The following CPE variants were observed in gnomAD, a reference collection of about 807,000 sequenced individuals.
CPE encodes the protein carbocypeptidase E.
CPE carries 17 observed loss-of-function variants against 53.5 expected under a neutral mutation model. The ratio of observed to expected loss-of-function variants is 0.32; its 90% CI spans 0.22 to 0.48. CPE has a LOEUF of 0.48. Among genes scored for constraint, CPE ranks in the 20% least tolerant of loss-of-function variants. CPE has a pLI of 0.99. For missense variants in CPE, 524 were observed against 614.7 expected (o/e 0.85, Z 1.56); for synonymous variants, 226 against 228.8 (o/e 0.99, Z 0.11).
chr4:165,379,396 C>A lies in CPE; in HGVS notation c.175C>A (p.Leu59Met). The A allele has an allele frequency of 6.2e-7, 1 of 1,609,856 alleles. No individual in the cohort carries two copies. Residue 59 changes from leucine (L) to methionine (M), a missense_variant, in exon 1 of 9, where the codon CTG (leucine) becomes ATG (methionine). Physicochemically the swap from Leu to Met is conservative, Grantham distance 15. Coordinates refer to ENST00000402744, the MANE Select transcript of CPE (RefSeq NM_001873.4). This position sits in a 1 kb window ranked among gnomAD's most constrained non-coding sequence, Gnocchi z 6.0. ...CTTCGAGTACCACCGCTACCCCGAG[C>A]TGCGCGAGGCGCTCGTGTCCGTGTG... The part of the protein sequence containing the change: ...ISFEYHRYPE[L>M]REALVSVWLQ...
chr4:165,379,435 G>T lies in CPE; in HGVS notation c.214G>T (p.Ala72Ser). The change falls in exon 1 of 9, where the codon GCC (alanine) becomes TCC (serine). Residue 72 changes from alanine to serine, a missense_variant. Transcript: ENST00000402744. This position sits in a 1 kb window ranked among gnomAD's most constrained non-coding sequence, Gnocchi z 6.0. The part of the protein sequence containing the change: ...ALVSVWLQCT[A>S]ISRIYTVGRS... ...CGTGTCCGTGTGGCTGCAGTGCACC[G>T]CCATCAGCAGGATTTACACGGTGGG... is the stretch of plus-strand genomic sequence containing the variant. The T allele has an allele frequency of 6.2e-7, 1 of 1,609,974 alleles. No individual in the cohort carries two copies. The highest frequency in any genetic ancestry group is 8.5e-7 in the Non-Finnish European group (1 of 1,178,660).
intron 8 of CPE, among the ~76,000 whole-genome samples, chr4:165,496,191 C>T (rs1000971808): frequency 6.6e-6 from 1 of 152,108 alleles, no homozygotes; most frequent in Non-Finnish European, 1.5e-5. Context: ...TCTCTTAGAG[C>T]AGAATTTTAC....
At chr4:165,404,632 G>A in intron 1 of CPE, 1 of 1,137,878 alleles carries the variant, frequency 8.8e-7, no homozygotes, top group Non-Finnish European at 1.3e-6. Flanking sequence ...CAAGGCTTGT[G>A]GTCAGGGAAT....
At chr4:165,398,804 G>A (rs1466808210) in intron 1 of CPE, among the ~76,000 whole-genome samples, 2 of 152,180 alleles carry the variant, frequency 1.3e-5, no homozygotes, top group Non-Finnish European at 2.9e-5. Context: ...GTTGCCTCCT[G>A]CTGTTTTTTT....
chr4:165,391,820 C>T (rs186362853), intron 1 of CPE, among the ~76,000 whole-genome samples: 1 of 152,010 alleles, frequency 6.6e-6, no homozygotes, highest in Non-Finnish European at 1.5e-5. Context: ...GGTATTGACT[C>T]TAATTCTTCA....
At chr4:165,493,061 C>G (rs553174053) in intron 6 of CPE, 110 bp from the exon 7 acceptor site, 10 of 658,860 alleles carry the variant, frequency 1.5e-5, no homozygotes, top group Admixed American at 1.1e-4. Flanking sequence ...CAATGGGGGT[C>G]TACGGTATTT....
chr4:165,438,485 T>C (rs1021783830), intron 1 of CPE, among the ~76,000 whole-genome samples: 1 of 152,142 alleles, frequency 6.6e-6, no homozygotes, highest in East Asian at 1.9e-4. Context: ...CATTGGTGTA[T>C]TTTATCAACA....
chr4:165,430,096 G>A (rs1352261908), intron 1 of CPE, among the ~76,000 whole-genome samples: 3 of 152,130 alleles, frequency 2.0e-5, no homozygotes, highest in South Asian at 2.1e-4. Flanking sequence ...TCTTTAAAAC[G>A]AATTGATTGT....
chr4:165,495,951 G>A (rs1283018154), intron 8 of CPE, among the ~76,000 whole-genome samples: 3 of 152,076 alleles, frequency 2.0e-5, no homozygotes, highest in Non-Finnish European at 4.4e-5. Context: ...CCATCTCAAT[G>A]GGATTATGTT....
chr4:165,487,356 G>A (rs1401845040), intron 5 of CPE, 82 bp from the exon 6 acceptor site: 13 of 1,559,846 alleles, frequency 8.3e-6, no homozygotes, highest in Non-Finnish European at 1.1e-5. Context: ...CCTTTTACTT[G>A]GTTCTTGATT....
intron 1 of CPE, among the ~76,000 whole-genome samples, chr4:165,448,197 G>A (rs1731748842): frequency 2.0e-5 from 3 of 152,208 alleles, no homozygotes; most frequent in African/African-American, 7.2e-5. Flanking sequence ...GAGGAAAGGA[G>A]ATTATGAACT....
chr4:165,393,290 T>G lies in CPE; in HGVS notation c.307+13762T>G, dbSNP rs189741747. Among the ~76,000 whole-genome samples, 204 of 152,304 alleles carry G rather than the reference T, an allele frequency of 1.3e-3. 1 individual carries two copies. Among genetic ancestry groups the G allele is most frequent in the Middle Eastern group, 3.4e-3 (1 of 294 alleles). On this transcript the variant is annotated intron_variant, in intron 1 of 8. Coordinates refer to ENST00000402744, the MANE Select transcript of CPE (RefSeq NM_001873.4). The stretch of plus-strand genomic sequence containing the variant: ...TCATCCAGCTGCATTTGTCTAACAC[T>G]TGAATAATGATCATGCAGTTTGTCA...
At chr4:165,487,776 T>A (rs1444694409) in intron 6 of CPE, among the ~76,000 whole-genome samples, 199 bp downstream of exon 6, 1 of 152,132 alleles carries the variant, frequency 6.6e-6, no homozygotes, top group Admixed American at 6.5e-5. Flanking sequence ...CACCAAGAAC[T>A]GACTAAACTG....
chr4:165,417,893 A>G (rs569852397), intron 1 of CPE, among the ~76,000 whole-genome samples: 11 of 151,800 alleles, frequency 7.2e-5, no homozygotes, highest in African/African-American at 2.2e-4. Context: ...GTCATTTTCT[A>G]TTCAGTATTA....
chr4:165,408,177 A>G (rs918598485), intron 1 of CPE, among the ~76,000 whole-genome samples: 17 of 152,092 alleles, frequency 1.1e-4, no homozygotes, highest in African/African-American at 3.9e-4. Flanking sequence ...GGTCCAATTT[A>G]TGTATTTTTT....
intron 3 of CPE, among the ~76,000 whole-genome samples, chr4:165,471,232 T>A (rs1732200856): frequency 6.6e-6 from 1 of 152,188 alleles, no homozygotes; most frequent in African/African-American, 2.4e-5. Flanking sequence ...AATTAGAATA[T>A]TGATCCAGAT....
chr4:165,387,865 G>T (rs1455005225), intron 1 of CPE, among the ~76,000 whole-genome samples: 2 of 152,132 alleles, frequency 1.3e-5, no homozygotes, highest in African/African-American at 4.8e-5. Flanking sequence ...CAGGGGATCT[G>T]CCCGCCTCGG....
chr4:165,387,274 T>A lies in CPE; in HGVS notation c.307+7746T>A, dbSNP rs527286142. On this transcript the variant is annotated intron_variant, in intron 1 of 8. Transcript: ENST00000402744. ...ATGTGGAGTATTAAAGAGATGGCTGTTAAGCAAAGATAAATGAATTACTTA... is the reference window on the plus strand; with the variant it reads ...ATGTGGAGTATTAAAGAGATGGCTGATAAGCAAAGATAAATGAATTACTTA... Among the ~76,000 whole-genome samples the A allele has an allele frequency of 6.6e-5, 10 of 152,306 alleles. No homozygotes were observed. The South Asian group carries it at 2.1e-3, about 32-fold the overall frequency.
chr4:165,422,361 C>T (rs1413742830), intron 1 of CPE, among the ~76,000 whole-genome samples: 1 of 151,676 alleles, frequency 6.6e-6, no homozygotes. Context: ...GGAATCTTCT[C>T]TTTACAATAA....
Sources: allele counts gnomAD v4.1 joint callset (sites outside exome capture counted in the v4.1 genomes callset), GRCh38; gene constraint gnomAD v4.1.1; non-coding constraint Gnocchi (gnomAD v3.1); transcripts MANE v1.5; gene names NCBI Gene and HGNC (gene_info 2026-07-23, HGNC 2026-07-21).